Variants in FAT2 observed in about 807,000 individuals in gnomAD.
The protein encoded by FAT2 is protocadherin Fat 2.
FAT2 carries 150 observed loss-of-function variants against 295.3 expected under a neutral mutation model. That is an observed-to-expected ratio of 0.51 (90% CI 0.44 to 0.58). FAT2 has a LOEUF of 0.58. Ranked by LOEUF, FAT2 falls within the 20% of genes least tolerant of loss-of-function variation. FAT2 has a pLI of 0.00. For missense variants in FAT2, 4,868 were observed against 5,442.7 expected (o/e 0.89, Z 3.32); for synonymous variants, 2,026 against 2,150.3 (o/e 0.94, Z 1.60).
At chr5:151,517,581 G>A in intron 20 of FAT2, 39 bp downstream of exon 20, 3 of 1,612,160 alleles carry the variant, frequency 1.9e-6, no homozygotes, top group South Asian at 1.1e-5. Flanking sequence ...CCCAGCCTGG[G>A]ACACCCACAT....
chr5:151,593,081 C>G (rs928479064), upstream of FAT2, among the ~76,000 whole-genome samples: 2 of 152,186 alleles, frequency 1.3e-5, no homozygotes, highest in African/African-American at 4.8e-5. Flanking sequence ...AAGCTGCCTC[C>G]GCCCCGGATG....
In FAT2 at chr5:151,531,231, G is replaced by T. The variant is rs1338554022; in HGVS notation, c.9811+356C>A. On this transcript the variant is annotated intron_variant, in intron 14 of 23. Transcript: ENST00000261800. The surrounding 1 kb of genome is among the most constrained non-coding windows in gnomAD (Gnocchi z 5.7). ...AGGGTTGCTTAAGCCCCAGATTCCAGCAAGGGCTCCCTGCCTCTGCAGCCA... is the reference window on the plus strand; with the variant it reads ...AGGGTTGCTTAAGCCCCAGATTCCATCAAGGGCTCCCTGCCTCTGCAGCCA... 6.6e-6 allele frequency among the ~76,000 whole-genome samples: 1 copy of T among 152,180 alleles called. No homozygotes were observed. Among genetic ancestry groups the T allele is most frequent in the Non-Finnish European group, 1.5e-5 (1 of 68,020 alleles).
chr5:151,505,780 AGTG>A lies in FAT2; in HGVS notation c.12832_12834del (p.His4278del). ...CCTCCCCCTCCCTGCCGGAACTGCG[AGTG>A]GTAGTAGCTGATGGCCGTGTACTCA... On this transcript the variant is annotated inframe_deletion, in exon 24 of 24. Coordinates refer to ENST00000261800, the MANE Select transcript of FAT2 (RefSeq NM_001447.3). 1 of 1,613,954 alleles carries A rather than the reference AGTG, an allele frequency of 6.2e-7. No homozygotes were observed. Among genetic ancestry groups the A allele is most frequent in the Non-Finnish European group, 8.5e-7 (1 of 1,179,954 alleles).
intron 20 of FAT2, among the ~76,000 whole-genome samples, chr5:151,515,362 G>A (rs1277694486): frequency 6.6e-6 from 1 of 152,132 alleles, no homozygotes; most frequent in African/African-American, 2.4e-5. Flanking sequence ...AATCTACATT[G>A]CTTGGTGATC....
At position 151,565,977 on chromosome 5, in the gene FAT2, T is replaced by G; in HGVS notation, c.2955A>C (p.Arg985Ser). 6.2e-7 allele frequency: 1 copy of G among 1,613,970 alleles called. No individual in the cohort carries two copies. Among genetic ancestry groups the G allele is most frequent in the Non-Finnish European group, 8.5e-7 (1 of 1,179,996 alleles). Residue 985 changes from arginine (R) to serine (S), a missense_variant, in exon 2 of 24, where the codon AGA becomes AGC. Around this residue, in one of 5 missense-constraint regions of FAT2, gnomAD observed 3,297 missense variants for 3,669.4 expected, o/e 0.90. Coordinates refer to ENST00000261800, the MANE Select transcript of FAT2 (RefSeq NM_001447.3). ...CAGCTCGCCTCTCAAAGTCCAGCTC[T>G]CTCTCCAGAATGAGCGCCCCTGTCA... ...DLMTGALILE[R>S]ELDFERRAGY...
At chr5:151,517,309 C>T (rs1752969401) in intron 20 of FAT2, among the ~76,000 whole-genome samples, 1 of 152,200 alleles carries the variant, frequency 6.6e-6, no homozygotes, top group African/African-American at 2.4e-5. Context: ...CTGGGAAACA[C>T]TGGCCTATTA....
chr5:151,527,033 A>G (rs1754081996), intron 17 of FAT2, among the ~76,000 whole-genome samples: 1 of 152,232 alleles, frequency 6.6e-6, no homozygotes, highest in Non-Finnish European at 1.5e-5. Context: ...CAAATGAGGT[A>G]ATGGATATGA....
Position 151,567,535 on chromosome 5 carries a change from G to A in FAT2, c.1397C>T (p.Thr466Ile), listed in dbSNP as rs1758334361. 2 of 1,614,132 alleles carry A rather than the reference G, an allele frequency of 1.2e-6. No homozygotes were observed. The highest frequency in any genetic ancestry group is 8.5e-7 in the Non-Finnish European group (1 of 1,180,020). The stretch of plus-strand genomic sequence containing the variant: ...GCCTGGAGGGATGTTCTCATCCAAG[G>A]TACCATCATAGGAAGACCTGTTGAA... ...PLFNRSSYDG[T>I]LDENIPPGTS... The change falls in exon 2 of 24, where the codon ACC becomes ATC. Residue 466 changes from threonine (T) to isoleucine (I), a missense_variant. Physicochemically the swap from Thr to Ile is moderately conservative, Grantham distance 89. Around this residue, in one of 5 missense-constraint regions of FAT2, gnomAD observed 3,297 missense variants for 3,669.4 expected, o/e 0.90. Coordinates refer to ENST00000261800, the MANE Select transcript of FAT2 (RefSeq NM_001447.3).
rs1225318291 is a variant in FAT2, at chr5:151,545,369, G to C, written c.5758C>G (p.Pro1920Ala). The C allele has an allele frequency of 6.2e-7, 1 of 1,614,032 alleles. No homozygotes were observed. Among genetic ancestry groups the C allele is most frequent in the Non-Finnish European group, 8.5e-7 (1 of 1,180,032 alleles). Residue 1920 changes from proline to alanine, a missense_variant, in exon 10 of 24, where the codon CCT becomes GCT. Coordinates refer to ENST00000261800, the MANE Select transcript of FAT2 (RefSeq NM_001447.3). ...GNADEAVTIH[P>A]VTGSISVLNP... The stretch of plus-strand genomic sequence containing the variant: ...AGCACAGATATGCTACCAGTGACAG[G>C]ATGGATGGTAACAGCTTCATCAGCA...
chr5:151,542,664 G>A lies in FAT2; in HGVS notation c.8463C>T (p.Ala2821=). 6.2e-7 allele frequency: 1 copy of A among 1,614,204 alleles called. No homozygotes were observed. Among genetic ancestry groups the A allele is most frequent in the South Asian group, 1.1e-5 (1 of 91,082 alleles). ...CATCTCTCCCAGTGTCCTTGTCAATGGCAGTCACTTGAATGACTGAGGTCC... is the reference window on the plus strand; with the variant it reads ...CATCTCTCCCAGTGTCCTTGTCAATAGCAGTCACTTGAATGACTGAGGTCC... The part of the protein sequence containing the change: ...PVGTSVIQVT[A]IDKDTGRDGQ... Residue 2821 remains alanine (A), a synonymous_variant, in exon 10 of 24, where the codon GCC becomes GCT. Coordinates refer to ENST00000261800, the MANE Select transcript of FAT2 (RefSeq NM_001447.3).
At chr5:151,537,377 A>G (rs1010316091) in intron 12 of FAT2, among the ~76,000 whole-genome samples, 1 of 149,512 alleles carries the variant, frequency 6.7e-6, no homozygotes, top group Non-Finnish European at 1.5e-5. Context: ...GAAAGAAACA[A>G]CGAACAACGA....
rs756755033 is a variant in FAT2, at chr5:151,534,613, G to A, written c.9223C>T (p.Arg3075Ter). Residue 3075 changes from arginine (R) to a stop codon, truncating the protein, a stop_gained, in exon 13 of 24, where the codon CGA becomes TGA. Coordinates refer to ENST00000261800, the MANE Select transcript of FAT2 (RefSeq NM_001447.3). LOFTEE classifies it high-confidence loss of function. ...GELTTLTALDRERKDVFNLVA... is the reference protein window; with the variant it reads ...GELTTLTALD ...AGGTTGAACACATCCTTCCTTTCTC[G>A]GTCTAGGGCAGTGAGTGTGGTCAGC... is the stretch of plus-strand genomic sequence containing the variant. 3.1e-6 allele frequency: 5 copies of A among 1,612,728 alleles called. No homozygotes were observed. The highest frequency in any genetic ancestry group is 1.3e-5 in the African/African-American group (1 of 74,852).
At position 151,545,243 on chromosome 5, in the gene FAT2, G is replaced by C. The variant is rs755018341; in HGVS notation, c.5884C>G (p.Leu1962Val). ...ALVKISLTQV[L>V]DKSLQFDQDV... ...TGATCAAACTGCAAGCTTTTGTCAA[G>C]CACTTGGGTCAAAGAAATTTTTACC... Residue 1962 changes from leucine (L) to valine (V), a missense_variant, in exon 10 of 24, where the codon CTT becomes GTT. Coordinates refer to ENST00000261800, the MANE Select transcript of FAT2 (RefSeq NM_001447.3). 9.9e-6 allele frequency: 16 copies of C among 1,614,026 alleles called. No individual in the cohort carries two copies. Among genetic ancestry groups the C allele is most frequent in the African/African-American group, 1.3e-5 (1 of 74,914 alleles).
upstream of FAT2, among the ~76,000 whole-genome samples, chr5:151,593,800 G>A (rs1268655050): frequency 6.6e-6 from 1 of 152,026 alleles, no homozygotes; most frequent in Non-Finnish European, 1.5e-5. Flanking sequence ...TCAGGAGGTC[G>A]AGACCATCCT....
At chr5:151,537,657 G>C (rs1177850085) in intron 12 of FAT2, 136 bp downstream of exon 12, 1 of 805,376 alleles carries the variant, frequency 1.2e-6, no homozygotes, top group African/African-American at 1.7e-5. Flanking sequence ...TACAATGCTT[G>C]GCACATAGGG....
rs570779199 is a variant in FAT2 at position 151,505,909 on chromosome 5, G to A, written c.12706C>T (p.Arg4236Trp). ...FPFPLEMENK[R>W]APLPPRYSNQ... ...CTGTAACGGGGTGGGAGAGGTGCCCGCTTGTTTTCCATCTCCAGGGGGAAG... is the reference window on the plus strand; with the variant it reads ...CTGTAACGGGGTGGGAGAGGTGCCCACTTGTTTTCCATCTCCAGGGGGAAG... The change falls in exon 24 of 24, where the codon CGG (arginine) becomes TGG (tryptophan). Residue 4236 changes from arginine to tryptophan, a missense_variant. Physicochemically the swap from Arg to Trp is moderately radical, Grantham distance 101. Around this residue, in one of 5 missense-constraint regions of FAT2, gnomAD observed 492 missense variants for 482.6 expected, o/e 1.02. Coordinates refer to ENST00000261800, the MANE Select transcript of FAT2 (RefSeq NM_001447.3). 95 of 1,590,282 alleles carry A rather than the reference G, an allele frequency of 6.0e-5. No homozygotes were observed. Among genetic ancestry groups the A allele is most frequent in the African/African-American group, 1.4e-4 (10 of 73,568 alleles).
In FAT2 at chr5:151,540,655, A is replaced by T. The variant is rs1167288816; in HGVS notation, c.8951T>A (p.Val2984Asp). The change falls in exon 11 of 24, where the codon GTC becomes GAC. Residue 2984 changes from valine to aspartate, a missense_variant. Physicochemically the swap from Val to Asp is radical, Grantham distance 152. Coordinates refer to ENST00000261800, the MANE Select transcript of FAT2 (RefSeq NM_001447.3). ...CTGGAACTTGCCATCAGATGCTGTG[A>T]CTCTGAGCAAGTACTTGGCTGTATG... ...REHTAKYLLR[V>D]TASDGKFQAS... 6.2e-7 allele frequency: 1 copy of T among 1,614,136 alleles called. No homozygotes were observed. The highest frequency in any genetic ancestry group is 8.5e-7 in the Non-Finnish European group (1 of 1,180,022).
chr5:151,556,751 G>C (rs757679623), intron 3 of FAT2, among the ~76,000 whole-genome samples: 33 of 152,228 alleles, frequency 2.2e-4, no homozygotes, highest in Middle Eastern at 3.4e-3. Flanking sequence ...TTTGCCCCCT[G>C]TAGGCTAATG....
chr5:151,508,891 G>A (rs1357168937), intron 22 of FAT2, among the ~76,000 whole-genome samples: 1 of 152,110 alleles, frequency 6.6e-6, no homozygotes, highest in Non-Finnish European at 1.5e-5. Context: ...TAGAAGCTAG[G>A]CCCATTCTTG....
Sources: gnomAD v4.1 joint callset for allele counts (sites outside exome capture counted in the v4.1 genomes callset) on GRCh38, gnomAD v4.1.1 for gene constraint, gnomAD v4.1.1 regional missense constraint, Gnocchi (gnomAD v3.1) non-coding constraint, MANE v1.5 for transcripts, NCBI Gene and HGNC (gene_info 2026-07-23, HGNC 2026-07-21) for gene names.